Variants in NCKAP5 observed in about 807,000 individuals in gnomAD.
The protein encoded by NCKAP5 is nck-associated protein 5.
NCKAP5 carries 92 observed loss-of-function variants against 167.0 expected under a neutral mutation model. The observed-to-expected ratio is 0.55, with a 90% CI of 0.47 to 0.66. The LOEUF (loss-of-function observed/expected upper bound fraction) is 0.66. Ranked by LOEUF, NCKAP5 falls within the 30% of genes least tolerant of loss-of-function variation. NCKAP5 has a pLI of 0.00. For missense variants in NCKAP5, 2,378 were observed against 2,315.0 expected, an observed-to-expected ratio of 1.03 and a Z score of -0.56; for synonymous variants, 891 against 877.4, an observed-to-expected ratio of 1.02 and a Z score of -0.27.
chr2:132,883,244 C>T (rs1390556088), intron 8 of NCKAP5, among the ~76,000 whole-genome samples: 1 of 138,540 alleles, frequency 7.2e-6, no homozygotes, highest in Non-Finnish European at 1.6e-5. Context: ...ACACGACACC[C>T]ACCATGTCCT....
intron 3 of NCKAP5, among the ~76,000 whole-genome samples, chr2:133,500,337 G>T (rs1682390522): frequency 6.6e-6 from 1 of 152,180 alleles, no homozygotes. Context: ...TCACAGAATT[G>T]TAACTTTTGA....
At chr2:133,519,497 C>T (rs1427289443) in intron 2 of NCKAP5, among the ~76,000 whole-genome samples, 3 of 152,184 alleles carry the variant, frequency 2.0e-5, no homozygotes, top group East Asian at 3.9e-4. Flanking sequence ...CCCCCAGTCT[C>T]AGTGACTGTA....
intron 8 of NCKAP5, among the ~76,000 whole-genome samples, chr2:132,958,999 G>GT (rs890506249): frequency 6.7e-6 from 1 of 148,806 alleles, no homozygotes; most frequent in Non-Finnish European, 1.5e-5. Context: ...CAAAGAACAC[G>GT]TTTGGCCCAT....
intron 2 of NCKAP5, among the ~76,000 whole-genome samples, chr2:133,523,029 T>C (rs1326068623): frequency 6.6e-6 from 1 of 152,026 alleles, no homozygotes; most frequent in Non-Finnish European, 1.5e-5. Flanking sequence ...CCCTTCCCCC[T>C]CACATACACC....
intron 6 of NCKAP5, among the ~76,000 whole-genome samples, chr2:133,056,126 G>C (rs2079791159): frequency 6.6e-6 from 1 of 152,018 alleles, no homozygotes; most frequent in South Asian, 2.1e-4. Flanking sequence ...GGATTATTTT[G>C]TCTGTACCAC....
the NCKAP5 span, among the ~76,000 whole-genome samples, chr2:133,574,042 AATAG>A: frequency 2.6e-5 from 4 of 152,148 alleles, no homozygotes; most frequent in Admixed American, 1.3e-4. Context: ...CGATTGTCTA[AATAG>A]ATAGACTCTG....
chr2:133,064,273 C>A (rs2080112050), intron 6 of NCKAP5, among the ~76,000 whole-genome samples: 1 of 152,176 alleles, frequency 6.6e-6, no homozygotes, highest in Non-Finnish European at 1.5e-5. Context: ...AAAGCACTGC[C>A]TCTCAGAAAC....
At chr2:133,051,157 A>T (rs2079592204) in intron 6 of NCKAP5, among the ~76,000 whole-genome samples, 1 of 152,184 alleles carries the variant, frequency 6.6e-6, no homozygotes, top group African/African-American at 2.4e-5. Context: ...GAGTAGAGAA[A>T]TAAAAGCCAA....
chr2:133,255,846 T>G (rs77281968), intron 4 of NCKAP5, among the ~76,000 whole-genome samples: 1 of 152,150 alleles, frequency 6.6e-6, no homozygotes, highest in African/African-American at 2.4e-5. Flanking sequence ...AAAGCTTACA[T>G]TACAGAATTA....
chr2:133,262,661 A>G (rs1006424544), intron 4 of NCKAP5, among the ~76,000 whole-genome samples: 16 of 152,242 alleles, frequency 1.1e-4, no homozygotes, highest in Non-Finnish European at 2.1e-4. Context: ...AGCCTTCAGG[A>G]GCAATACTGC....
intron 6 of NCKAP5, among the ~76,000 whole-genome samples, chr2:133,048,287 A>G (rs551274794): frequency 1.3e-5 from 2 of 152,302 alleles, no homozygotes; most frequent in African/African-American, 2.4e-5. Context: ...TTTTCTTAGT[A>G]AGATAAGCCA....
chr2:132,928,206 C>T (rs977089986), intron 8 of NCKAP5, among the ~76,000 whole-genome samples: 1 of 152,168 alleles, frequency 6.6e-6, no homozygotes, highest in African/African-American at 2.4e-5. Context: ...GTATCTCCAC[C>T]TGTAAAATGG....
At chr2:133,647,817 G>A in the NCKAP5 span, among the ~76,000 whole-genome samples, 1 of 151,972 alleles carries the variant, frequency 6.6e-6, no homozygotes, top group Non-Finnish European at 1.5e-5. Flanking sequence ...GGAGGAGACG[G>A]GAAGGGCAGG....
chr2:132,700,662 C>G (rs1225009407), intron 19 of NCKAP5, among the ~76,000 whole-genome samples: 2 of 152,134 alleles, frequency 1.3e-5, no homozygotes, highest in African/African-American at 4.8e-5. Context: ...GAGGACAGTA[C>G]TGGTGACTAC....
At chr2:132,791,571 G>GT (rs1199100991) in intron 12 of NCKAP5, among the ~76,000 whole-genome samples, 1 of 152,094 alleles carries the variant, frequency 6.6e-6, no homozygotes, top group African/African-American at 2.4e-5. Flanking sequence ...TCTAATTCCA[G>GT]TCTCCTTTTT....
chr2:133,172,605 G>A (rs934336220), intron 5 of NCKAP5, among the ~76,000 whole-genome samples: 2 of 152,072 alleles, frequency 1.3e-5, no homozygotes, highest in Non-Finnish European at 2.9e-5. Flanking sequence ...CAAGTAGCTG[G>A]GATTACAGGT....
At chr2:133,225,550 T>A (rs2086844123) in intron 4 of NCKAP5, among the ~76,000 whole-genome samples, 1 of 152,128 alleles carries the variant, frequency 6.6e-6, no homozygotes. Context: ...CACTAAAACA[T>A]TCCTTCATTT....
intron 8 of NCKAP5, among the ~76,000 whole-genome samples, chr2:132,924,821 T>C (rs1695723687): frequency 6.6e-6 from 1 of 152,134 alleles, no homozygotes; most frequent in Admixed American, 6.5e-5. Flanking sequence ...TAGGGAGGTC[T>C]AACTGGAACT....
chr2:133,484,185 A>G (rs1240291888), intron 3 of NCKAP5, among the ~76,000 whole-genome samples: 2 of 152,202 alleles, frequency 1.3e-5, no homozygotes, highest in Admixed American at 1.3e-4. Flanking sequence ...CTCTAAGAGC[A>G]TGAAGACAGG....
Sources: allele counts gnomAD v4.1 joint callset (sites outside exome capture counted in the v4.1 genomes callset), GRCh38; gene constraint gnomAD v4.1.1; transcripts MANE v1.5; gene names NCBI Gene and HGNC (gene_info 2026-07-23, HGNC 2026-07-21).